Variants in TMEM132B observed in about 807,000 individuals in gnomAD.
TMEM132B encodes transmembrane protein 132B.
A neutral mutation model predicts 90.8 loss-of-function variants in TMEM132B; 18 were observed. That is an observed-to-expected ratio of 0.20 (90% CI 0.14 to 0.29). The LOEUF (loss-of-function observed/expected upper bound fraction) is 0.29, where lower values mean the gene tolerates loss of function less well. Ranked by LOEUF, TMEM132B falls within the 10% of genes least tolerant of loss-of-function variation. The pLI is 1.00. For missense variants in TMEM132B, 1,096 were observed against 1,326.8 expected (o/e 0.83, Z 2.70); for synonymous variants, 504 against 523.3 (o/e 0.96, Z 0.50).
intron 4 of TMEM132B, among the ~76,000 whole-genome samples, chr12:125,522,208 T>A (rs1196829019): frequency 6.6e-6 from 1 of 152,190 alleles, no homozygotes. Context: ...TTTTCACTTA[T>A]TTGTCCTTGT....
At chr12:125,543,733 G>C (rs1420818776) in intron 4 of TMEM132B, among the ~76,000 whole-genome samples, 1 of 152,198 alleles carries the variant, frequency 6.6e-6, no homozygotes, top group African/African-American at 2.4e-5. Context: ...AAATAGGAAA[G>C]CTTTTACACT....
At chr12:125,638,329 C>T (rs1018832511) in intron 5 of TMEM132B, among the ~76,000 whole-genome samples, 5 of 152,156 alleles carry the variant, frequency 3.3e-5, no homozygotes, top group African/African-American at 9.7e-5. Context: ...ACGCAGGGTT[C>T]ATAGTAAGAA....
In TMEM132B at chr12:125,490,537, C is replaced by G. The variant is rs1882321549; in HGVS notation, c.1107-28902C>G. 6.6e-6 allele frequency among the ~76,000 whole-genome samples: 1 copy of G among 152,128 alleles called. No individual in the cohort carries two copies. On this transcript the variant is annotated intron_variant, in intron 3 of 8. Transcript: ENST00000682704. The surrounding 1 kb of genome is among the most constrained non-coding windows in gnomAD (Gnocchi z 4.2). ...GGAGTGCAGTGGCTTGATCTCAGCT[C>G]ACTGCAAGCTCTGCCTCCCGGGTTC...
At chr12:125,477,212 A>G (rs1881905723) in intron 3 of TMEM132B, among the ~76,000 whole-genome samples, 1 of 152,146 alleles carries the variant, frequency 6.6e-6, no homozygotes, top group South Asian at 2.1e-4. Flanking sequence ...GAATATATAT[A>G]TATATTCCCT....
rs1020065391 is a variant in TMEM132B, at chr12:125,315,984, T to G, written c.68-33468T>G. Among the ~76,000 whole-genome samples the G allele has an allele frequency of 7.9e-5, 12 of 152,184 alleles. No homozygotes were observed. The East Asian group carries it at 2.1e-3, about 27-fold the overall frequency. On this transcript the variant is annotated intron_variant, in intron 1 of 8. Coordinates refer to ENST00000682704, the MANE Select transcript of TMEM132B (RefSeq NM_001366854.1). ...GAAATGGAAGATCAGCATCCCCCCC[T>G]CACCTGGCTGGCTTTTCTGGGGACA...
At chr12:125,524,439 A>C (rs951156625) in intron 4 of TMEM132B, among the ~76,000 whole-genome samples, 1 of 152,182 alleles carries the variant, frequency 6.6e-6, no homozygotes, top group Admixed American at 6.5e-5. Context: ...AGTGAGGGCT[A>C]TTGGGTCAAC....
At chr12:125,432,886 G>C (rs1483814863) in intron 3 of TMEM132B, among the ~76,000 whole-genome samples, 3 of 152,126 alleles carry the variant, frequency 2.0e-5, no homozygotes, top group African/African-American at 7.2e-5. Flanking sequence ...CCCTTCCCAA[G>C]AGAGTTCTAG....
intron 1 of TMEM132B, among the ~76,000 whole-genome samples, chr12:125,243,918 G>A (rs1026623379): frequency 9.9e-5 from 15 of 151,996 alleles, no homozygotes; most frequent in Admixed American, 2.6e-4. Flanking sequence ...CACCGCCAAC[G>A]CCCCCTCTCC....
At chr12:125,467,857 G>C (rs1881610190) in intron 3 of TMEM132B, among the ~76,000 whole-genome samples, 1 of 152,136 alleles carries the variant, frequency 6.6e-6, no homozygotes, top group African/African-American at 2.4e-5. Flanking sequence ...ATTATAAGCT[G>C]TGTGAACTTT....
intron 2 of TMEM132B, among the ~76,000 whole-genome samples, chr12:125,352,007 A>C (rs996262389): frequency 3.3e-5 from 5 of 152,178 alleles, no homozygotes; most frequent in Admixed American, 6.5e-5. Context: ...ACAGAACCAA[A>C]CAAGGATCCT....
rs548116518 is a variant in TMEM132B at position 125,656,410 on chromosome 12, G to T, written c.*1700G>T. 2 of 152,162 alleles carry T rather than the reference G, an allele frequency of 1.3e-5. No homozygotes were observed. The highest frequency in any genetic ancestry group is 1.9e-4 in the East Asian group (1 of 5,188). 9.4% of individuals were successfully genotyped at this position (152,162 alleles called of 1,614,324 possible). A position where few individuals can be genotyped will look rare whatever the true frequency, so the allele number is the denominator to read the frequency against. On this transcript the variant is annotated 3_prime_UTR_variant, in exon 9 of 9. Transcript: ENST00000682704. ...CCTTGGGTGGGAACATGACAACCCC[G>T]CCTCCTCTAGCCATGACGTGGCAGC...
At chr12:125,395,377 G>C (rs1277046804) in intron 2 of TMEM132B, among the ~76,000 whole-genome samples, 1 of 152,184 alleles carries the variant, frequency 6.6e-6, no homozygotes, top group African/African-American at 2.4e-5. Context: ...AGGTTATTTT[G>C]AGTTATGAAT....
chr12:125,642,001 T>G (rs1466795831), intron 5 of TMEM132B, among the ~76,000 whole-genome samples: 1 of 152,108 alleles, frequency 6.6e-6, no homozygotes. Context: ...CTCAATCTCT[T>G]TTTTTCTGAG....
chr12:125,186,461 G>C lies in TMEM132B; in HGVS notation c.-339G>C, dbSNP rs1957760677. Reference sequence around the variant, plus strand: ...GCGGCGGCGGCGGCGGCGCGACCGGGATGGGACGGGCGCTGGGGCGCAGGA... The same window carrying C: ...GCGGCGGCGGCGGCGGCGCGACCGGCATGGGACGGGCGCTGGGGCGCAGGA... On this transcript the variant is annotated 5_prime_UTR_variant, in exon 1 of 9. Coordinates refer to ENST00000682704, the MANE Select transcript of TMEM132B (RefSeq NM_001366854.1). The surrounding 1 kb of genome is among the most constrained non-coding windows in gnomAD (Gnocchi z 6.3). Among the ~76,000 whole-genome samples, 1 of 145,650 alleles carries C rather than the reference G, an allele frequency of 6.9e-6. No individual in the cohort carries two copies. Among genetic ancestry groups the C allele is most frequent in the Admixed American group, 6.8e-5 (1 of 14,642 alleles).
At chr12:125,538,433 C>A (rs1015249541) in intron 4 of TMEM132B, among the ~76,000 whole-genome samples, 1 of 152,164 alleles carries the variant, frequency 6.6e-6, no homozygotes, top group Non-Finnish European at 1.5e-5. Context: ...ACACACAGAC[C>A]TTCCTCAGTG....
rs1478912394 is a variant in TMEM132B, at chr12:125,458,581, C to T, written c.1106+42904C>T. Among the ~76,000 whole-genome samples, 3 of 152,106 alleles carry T rather than the reference C, an allele frequency of 2.0e-5. No individual in the cohort carries two copies. Among genetic ancestry groups the T allele is most frequent in the Non-Finnish European group, 4.4e-5 (3 of 68,000 alleles). On this transcript the variant is annotated intron_variant, in intron 3 of 8. Coordinates refer to ENST00000682704, the MANE Select transcript of TMEM132B (RefSeq NM_001366854.1). This position sits in a 1 kb window ranked among gnomAD's most constrained non-coding sequence, Gnocchi z 4.9. ...TGGGGGATGGTTATGTTGAGAGCAGCCAGGTGGAGATCAGATCACACATGG... is the reference window on the plus strand; with the variant it reads ...TGGGGGATGGTTATGTTGAGAGCAGTCAGGTGGAGATCAGATCACACATGG...
In TMEM132B at chr12:125,415,838, T is replaced by C. The variant is rs138192860; in HGVS notation, c.1106+161T>C. 4.0e-3 allele frequency among the ~76,000 whole-genome samples: 607 copies of C among 152,334 alleles called. 1 individual carries two copies. The highest frequency in any genetic ancestry group is 7.2e-3 in the Non-Finnish European group (487 of 68,030). On this transcript the variant is annotated intron_variant, in intron 3 of 8. Transcript: ENST00000682704. The surrounding 1 kb of genome is among the most constrained non-coding windows in gnomAD (Gnocchi z 5.3). Reference sequence around the variant, plus strand: ...GTCTCAAAAATCACCAGAGTTCACATTTATCACAGCGTCGGGTTTGGTAAC... The same window carrying C: ...GTCTCAAAAATCACCAGAGTTCACACTTATCACAGCGTCGGGTTTGGTAAC...
intron 3 of TMEM132B, among the ~76,000 whole-genome samples, chr12:125,508,233 C>G (rs1882894734): frequency 6.6e-6 from 1 of 152,116 alleles, no homozygotes. Context: ...TATCTGCGGC[C>G]TTTACATTTT....
chr12:125,358,746 C>G (rs1877866274), intron 2 of TMEM132B, among the ~76,000 whole-genome samples: 1 of 152,104 alleles, frequency 6.6e-6, no homozygotes, highest in Non-Finnish European at 1.5e-5. Flanking sequence ...TGTGTCTGCC[C>G]CGTTTCTCCA....
Sources: allele counts gnomAD v4.1 joint callset (sites outside exome capture counted in the v4.1 genomes callset), GRCh38; gene constraint gnomAD v4.1.1; non-coding constraint Gnocchi (gnomAD v3.1); transcripts MANE v1.5; gene names NCBI Gene and HGNC (gene_info 2026-07-23, HGNC 2026-07-21).